The following YLPM1 variants were observed in gnomAD, a reference collection of about 807,000 sequenced individuals.
YLPM1 encodes YLP motif-containing protein 1.
A neutral mutation model predicts 230.0 loss-of-function variants in YLPM1; 99 were observed. The ratio of observed to expected loss-of-function variants is 0.43; its 90% CI spans 0.37 to 0.51. YLPM1 has a LOEUF of 0.51. Ranked by LOEUF, YLPM1 falls within the 20% of genes least tolerant of loss-of-function variation. The probability of loss-of-function intolerance (pLI) is 0.00; values close to 1 mark genes in which losing one functional copy is unlikely to be tolerated. For missense variants in YLPM1, 2,592 were observed against 2,707.7 expected, an observed-to-expected ratio of 0.96 and a Z score of 0.95; for synonymous variants, 984 against 942.5, an observed-to-expected ratio of 1.04 and a Z score of -0.81.
intron 11 of YLPM1, among the ~76,000 whole-genome samples, 156 bp downstream of exon 11, chr14:74,812,938 T>C (rs2091448061): frequency 6.6e-6 from 1 of 152,200 alleles, no homozygotes; most frequent in Non-Finnish European, 1.5e-5. Flanking sequence ...ATCTCATAAA[T>C]GGCCTACACT....
intron 17 of YLPM1, among the ~76,000 whole-genome samples, chr14:74,822,320 G>T (rs779246414): frequency 6.6e-6 from 1 of 152,144 alleles, no homozygotes; most frequent in Non-Finnish European, 1.5e-5. Context: ...GCTTTCTGAA[G>T]CTCCGTCTTT....
intron 19 of YLPM1, 159 bp from the exon 20 acceptor site, chr14:74,835,104 TAA>T: frequency 1.1e-6 from 1 of 896,978 alleles, no homozygotes; most frequent in Non-Finnish European, 1.6e-6. Context: ...CTTTGTGACT[TAA>T]AATATATGGC....
At position 74,817,038 on chromosome 14, in the gene YLPM1, G is replaced by C. The variant is rs1443915558; in HGVS notation, c.5793G>C (p.Leu1931=). ...LDDGFFPFII[L]DAINDRVRHF... The stretch of plus-strand genomic sequence containing the variant: ...ATGGCTTTTTTCCCTTCATCATCCT[G>C]GATGCCATCAATGACAGAGTTAGGC... The change falls in exon 14 of 21, where the codon CTG becomes CTC. Residue 1931 remains leucine (L), a synonymous_variant. Transcript: ENST00000325680. 3 of 1,611,836 alleles carry C rather than the reference G, an allele frequency of 1.9e-6. No homozygotes were observed. In the East Asian group the frequency reaches 6.7e-5, roughly 36 times the overall value.
intron 4 of YLPM1, among the ~76,000 whole-genome samples, chr14:74,794,599 C>A (rs1156352199): frequency 6.7e-6 from 1 of 149,666 alleles, no homozygotes; most frequent in Non-Finnish European, 1.5e-5. Context: ...CACACAAAGT[C>A]TTTTTTTTTT....
chr14:74,796,968 CTT>C (rs3083626), intron 4 of YLPM1, among the ~76,000 whole-genome samples: 12 of 88,952 alleles, frequency 1.3e-4, no homozygotes, highest in African/African-American at 4.8e-4. Flanking sequence ...TTTATAATTG[CTT>C]TTTTTTTTTT....
In YLPM1 at chr14:74,798,813, A is replaced by G. The variant is rs778327295; in HGVS notation, c.3516A>G (p.Glu1172=). ...GTGATAGAGGTCCATTCAGACCAGA[A>G]CCAGGAGATGGTGGGGAAAAAATGT... The part of the protein sequence containing the change: ...FGRDRGPFRP[E]PGDGGEKMYP... The change falls in exon 5 of 21, where the codon GAA becomes GAG. Residue 1172 remains glutamate (E), a synonymous_variant. Coordinates refer to ENST00000325680, the MANE Select transcript of YLPM1 (RefSeq NM_019589.3). 2 of 1,613,958 alleles carry G rather than the reference A, an allele frequency of 1.2e-6. No homozygotes were observed. The highest frequency in any genetic ancestry group is 1.1e-5 in the South Asian group (1 of 91,084).
At chr14:74,786,324 T>G (rs2091149892) in intron 4 of YLPM1, among the ~76,000 whole-genome samples, 1 of 140,336 alleles carries the variant, frequency 7.1e-6, no homozygotes, top group South Asian at 2.3e-4. Context: ...ATCGTGCCAC[T>G]CTACTCCATC....
intron 4 of YLPM1, among the ~76,000 whole-genome samples, chr14:74,789,742 A>G (rs2091188258): frequency 6.6e-6 from 1 of 151,526 alleles, no homozygotes. Flanking sequence ...GTCCTCCCAC[A>G]TCAGCCTCCC....
intron 6 of YLPM1, among the ~76,000 whole-genome samples, chr14:74,807,084 C>T (rs1169058343): frequency 1.3e-5 from 2 of 151,870 alleles, no homozygotes; most frequent in Non-Finnish European, 2.9e-5. Flanking sequence ...AGGTAATAGC[C>T]ATTTGTCTTT....
chr14:74,806,042 T>G (rs1399627231), intron 6 of YLPM1, among the ~76,000 whole-genome samples: 1 of 150,864 alleles, frequency 6.6e-6, no homozygotes, highest in Non-Finnish European at 1.5e-5. Context: ...TCCTGTCACA[T>G]AGCCAAACAG....
intron 5 of YLPM1, 25 bp from the exon 6 acceptor site, chr14:74,802,531 C>T (rs765627174): frequency 1.1e-5 from 18 of 1,602,366 alleles, no homozygotes; most frequent in Non-Finnish European, 1.3e-5. Context: ...GCTTTATGTA[C>T]TATGTCAATT....
At chr14:74,800,914 G>A (rs189128181) in intron 5 of YLPM1, among the ~76,000 whole-genome samples, 9 of 152,256 alleles carry the variant, frequency 5.9e-5, no homozygotes, top group Admixed American at 3.3e-4. Flanking sequence ...AGATAAGGTA[G>A]TATTATCCCC....
At chr14:74,819,065 T>TA (rs1198983704) in intron 16 of YLPM1, among the ~76,000 whole-genome samples, 3 of 152,206 alleles carry the variant, frequency 2.0e-5, no homozygotes, top group African/African-American at 7.2e-5. Flanking sequence ...GTTAAGGTGA[T>TA]ATCCATCAAA....
intron 4 of YLPM1, among the ~76,000 whole-genome samples, chr14:74,790,591 G>GT (rs1460833221): frequency 2.2e-4 from 34 of 151,992 alleles, no homozygotes; most frequent in South Asian, 6.2e-4. Context: ...AGTTTTAGGG[G>GT]TTTTTTAAGA....
Position 74,763,802 on chromosome 14 carries a change from C to T in YLPM1, c.313C>T (p.Pro105Ser). Residue 105 changes from proline to serine, a missense_variant, in exon 1 of 21, where the codon CCA becomes TCA. Pro to Ser is a moderately conservative substitution (Grantham distance 74). Coordinates refer to ENST00000325680, the MANE Select transcript of YLPM1 (RefSeq NM_019589.3). Reference protein sequence around the residue: ...GGYGDWQPPPPPMPPPPGPAL... With the variant: ...GGYGDWQPPPSPMPPPPGPAL... ...CTACGGAGACTGGCAGCCGCCACCG[C>T]CACCGATGCCCCCGCCACCCGGGCC... 1 of 1,512,030 alleles carries T rather than the reference C, an allele frequency of 6.6e-7. No homozygotes were observed. The highest frequency in any genetic ancestry group is 8.8e-7 in the Non-Finnish European group (1 of 1,130,710). 93.7% of individuals were successfully genotyped at this position (1,512,030 alleles called of 1,614,324 possible).
rs755404039 is a variant in YLPM1 at position 74,809,499 on chromosome 14, A to G, written c.4641A>G (p.Pro1547=). Reference sequence around the variant, plus strand: ...TGACCAGGCCACCTGTCCCAATACCACCACCTCCACCTCCTCCACCTCTAC... The same window carrying G: ...TGACCAGGCCACCTGTCCCAATACCGCCACCTCCACCTCCTCCACCTCTAC... ...VPVTRPPVPI[P]PPPPPPPLPP... is the part of the protein sequence containing the mutation. The change falls in exon 7 of 21, where the codon CCA becomes CCG. Residue 1547 remains proline (P), a synonymous_variant. Transcript: ENST00000325680. The G allele has an allele frequency of 2.3e-5, 36 of 1,583,444 alleles. No homozygotes were observed. The highest frequency in any genetic ancestry group is 3.0e-5 in the Non-Finnish European group (35 of 1,164,068).
At chr14:74,805,241 G>T (rs1287535237) in intron 6 of YLPM1, among the ~76,000 whole-genome samples, 4 of 151,976 alleles carry the variant, frequency 2.6e-5, no homozygotes, top group African/African-American at 9.7e-5. Context: ...GGCTGGTCTT[G>T]AACTCCTGAC....
intron 4 of YLPM1, among the ~76,000 whole-genome samples, chr14:74,795,053 A>G (rs1381808249): frequency 6.6e-6 from 1 of 152,232 alleles, no homozygotes; most frequent in South Asian, 2.1e-4. Flanking sequence ...ACCCTTTGCA[A>G]TTTTCCGTGG....
Position 74,798,064 on chromosome 14 carries a change from A to T in YLPM1, c.2767A>T (p.Asn923Tyr). ...EVSEGPVEPS[N>Y]WDQNVQSMET... ...CTCGGAAGGGCCCGTAGAGCCCTCT[A>T]ATTGGGACCAGAATGTTCAAAGTAT... is the stretch of plus-strand genomic sequence containing the variant. The change falls in exon 5 of 21, where the codon AAT becomes TAT. Residue 923 changes from asparagine to tyrosine, a missense_variant. By Grantham distance (143) the Asn-to-Tyr change is moderately radical. Around this residue, in one of 4 missense-constraint regions of YLPM1, gnomAD observed 1,862 missense variants for 1,819.8 expected, o/e 1.02. Transcript: ENST00000325680. The T allele has an allele frequency of 6.2e-7, 1 of 1,613,970 alleles. No individual in the cohort carries two copies. Among genetic ancestry groups the T allele is most frequent in the African/African-American group, 1.3e-5 (1 of 75,016 alleles).
Sources: allele counts gnomAD v4.1 joint callset (sites outside exome capture counted in the v4.1 genomes callset), GRCh38; gene constraint gnomAD v4.1.1; regional missense constraint gnomAD v4.1.1; transcripts MANE v1.5; gene names NCBI Gene and HGNC (gene_info 2026-07-23, HGNC 2026-07-21).